Variants in MSRA observed in about 807,000 individuals in gnomAD.
MSRA encodes the protein mitochondrial peptide methionine sulfoxide reductase.
Under a neutral mutation model 31.3 loss-of-function variants are expected in MSRA, and 54 were observed. The ratio of observed to expected loss-of-function variants is 1.73; its 90% CI spans 1.39 to 2.17. The LOEUF is 2.17. MSRA is among the 30% of genes most tolerant of loss of function. MSRA has a pLI of 0.00. For synonymous variants in MSRA, 169 were observed against 116.5 expected (o/e 1.45, Z -2.90); for missense variants, 507 against 300.9 (o/e 1.69, Z -5.07).
chr8:10,260,943 A>G (rs1049228185), intron 3 of MSRA, among the ~76,000 whole-genome samples: 1 of 152,226 alleles, frequency 6.6e-6, no homozygotes, highest in Non-Finnish European at 1.5e-5. Flanking sequence ...TAAACACTGA[A>G]TCTTTAGTCT....
chr8:10,250,500 A>T, intron 3 of MSRA: 1 of 701,712 alleles, frequency 1.4e-6, no homozygotes, highest in Admixed American at 2.0e-5. Context: ...CACTGAATCC[A>T]GAAGCATGAA....
chr8:10,116,106 C>T (rs910268774), intron 1 of MSRA, among the ~76,000 whole-genome samples: 2 of 152,148 alleles, frequency 1.3e-5, no homozygotes, highest in African/African-American at 4.8e-5. Context: ...CTTGAAGCTA[C>T]ATGTCAAAGG....
intron 3 of MSRA, among the ~76,000 whole-genome samples, chr8:10,288,328 G>A (rs796504924): frequency 7.2e-5 from 11 of 152,164 alleles, no homozygotes; most frequent in African/African-American, 2.7e-4. Context: ...TCATATGTAA[G>A]ATATTTTTGT....
intron 2 of MSRA, among the ~76,000 whole-genome samples, chr8:10,243,055 C>T (rs1034098240): frequency 2.0e-5 from 3 of 152,028 alleles, no homozygotes; most frequent in Non-Finnish European, 1.5e-5. Flanking sequence ...TTGGTTTGGC[C>T]AAGAACATTT....
At chr8:10,142,709 G>C (rs1285850152) in intron 1 of MSRA, among the ~76,000 whole-genome samples, 5 of 152,190 alleles carry the variant, frequency 3.3e-5, no homozygotes, top group Non-Finnish European at 7.3e-5. Context: ...TGAGTGTGAT[G>C]CTTAAATGTA....
chr8:10,417,481 C>T (rs979542079), intron 5 of MSRA, among the ~76,000 whole-genome samples: 2 of 150,482 alleles, frequency 1.3e-5, no homozygotes, highest in African/African-American at 5.0e-5. Context: ...TAAGCCCAGC[C>T]AGTCAGTGCC....
chr8:10,119,242 A>C (rs972254289), intron 1 of MSRA, among the ~76,000 whole-genome samples: 4 of 152,222 alleles, frequency 2.6e-5, no homozygotes, highest in African/African-American at 9.7e-5. Flanking sequence ...ATTGCTGTAT[A>C]ATTTGTCCAT....
chr8:10,322,477 G>T (rs918747853), intron 5 of MSRA, among the ~76,000 whole-genome samples: 1 of 152,170 alleles, frequency 6.6e-6, no homozygotes, highest in Admixed American at 6.5e-5. Flanking sequence ...TCCAGGTCAT[G>T]GCTGGTGATT....
intron 1 of MSRA, among the ~76,000 whole-genome samples, chr8:10,151,674 C>T (rs1803693990): frequency 6.6e-6 from 1 of 152,042 alleles, no homozygotes; most frequent in Non-Finnish European, 1.5e-5. Context: ...ACAAAGAGAA[C>T]ATTCTAGCAG....
intron 1 of MSRA, among the ~76,000 whole-genome samples, chr8:10,200,118 G>C (rs954151171): frequency 2.6e-5 from 4 of 152,174 alleles, no homozygotes; most frequent in African/African-American, 9.6e-5. Flanking sequence ...GCCTGAGCTG[G>C]GCATCGGCTC....
At chr8:10,414,022 C>A (rs992383911) in intron 5 of MSRA, among the ~76,000 whole-genome samples, 1 of 152,020 alleles carries the variant, frequency 6.6e-6, no homozygotes, top group Admixed American at 6.5e-5. Flanking sequence ...ATAAAACTAG[C>A]CAGGTGTGGT....
At chr8:10,073,271 ATTGAGTTACGGTAG>A (rs1432668186) in intron 1 of MSRA, among the ~76,000 whole-genome samples, 1 of 152,164 alleles carries the variant, frequency 6.6e-6, no homozygotes, top group African/African-American at 2.4e-5. Context: ...GATGCTGTTT[ATTGAGTTACGGTAG>A]TTCCTCTTTA....
At chr8:10,395,489 T>G (rs557462423) in intron 5 of MSRA, among the ~76,000 whole-genome samples, 52 of 152,232 alleles carry the variant, frequency 3.4e-4, no homozygotes, top group African/African-American at 1.2e-3. Flanking sequence ...GAGAATGACA[T>G]GGCCACAGAT....
At chr8:10,108,821 T>G (rs1462927432) in intron 1 of MSRA, among the ~76,000 whole-genome samples, 1 of 151,526 alleles carries the variant, frequency 6.6e-6, no homozygotes, top group African/African-American at 2.4e-5. Flanking sequence ...TTTTTTTTAG[T>G]TCTCTGTCTC....
At chr8:10,287,537 C>G (rs959128441) in intron 3 of MSRA, among the ~76,000 whole-genome samples, 11 of 152,142 alleles carry the variant, frequency 7.2e-5, no homozygotes, top group African/African-American at 2.7e-4. Context: ...AACAAGCTAC[C>G]TAAGTCCAGA....
chr8:10,171,007 G>A (rs149025732), intron 1 of MSRA, among the ~76,000 whole-genome samples: 68 of 152,274 alleles, frequency 4.5e-4, no homozygotes, highest in East Asian at 1.9e-4. Context: ...CTCTTGATCC[G>A]AGGGGAAAGC....
chr8:10,236,619 G>T (rs944003900), intron 2 of MSRA, among the ~76,000 whole-genome samples: 2 of 152,090 alleles, frequency 1.3e-5, no homozygotes, highest in Admixed American at 1.3e-4. Context: ...ATCTCAGCTC[G>T]CTGCAACCTC....
At chr8:10,426,268 A>G (rs1404315903) in intron 5 of MSRA, among the ~76,000 whole-genome samples, 2 of 152,168 alleles carry the variant, frequency 1.3e-5, no homozygotes, top group Non-Finnish European at 2.9e-5. Context: ...GGTCATGGAA[A>G]CAGAAAACTT....
chr8:10,216,780 C>T (rs964446628), intron 2 of MSRA, among the ~76,000 whole-genome samples: 4 of 152,086 alleles, frequency 2.6e-5, no homozygotes, highest in Non-Finnish European at 5.9e-5. Context: ...ATCTATAGAC[C>T]ACATTTGGTT....
Sources: allele counts gnomAD v4.1 joint callset (sites outside exome capture counted in the v4.1 genomes callset), GRCh38; gene constraint gnomAD v4.1.1; transcripts MANE v1.5; gene names NCBI Gene and HGNC (gene_info 2026-07-23, HGNC 2026-07-21).